ESR2: variants seen among roughly 807,000 people sequenced by gnomAD.
ESR2 encodes the protein estrogen receptor beta.
In ESR2, 36 loss-of-function variants were observed where a neutral mutation model predicts 49.6. The ratio of observed to expected loss-of-function variants is 0.73; its 90% CI spans 0.56 to 0.96. ESR2 has a LOEUF of 0.96. Among genes scored for constraint, ESR2 ranks in the 40% least tolerant of loss-of-function variants. The probability of loss-of-function intolerance (pLI) is 0.00; values close to 1 mark genes in which losing one functional copy is unlikely to be tolerated. For missense variants in ESR2, 714 were observed against 693.0 expected, an observed-to-expected ratio of 1.03 and a Z score of -0.34; for synonymous variants, 320 against 266.1, an observed-to-expected ratio of 1.20 and a Z score of -1.97.
intron 7 of ESR2, among the ~76,000 whole-genome samples, chr14:64,243,569 A>T (rs1213671910): frequency 6.6e-6 from 1 of 152,210 alleles, no homozygotes; most frequent in Non-Finnish European, 1.5e-5. Flanking sequence ...ATGCAGTTAA[A>T]TCACTTAGCA....
rs761663618 is a variant in ESR2 at position 64,280,134 on chromosome 14, C to T, written c.382G>A (p.Val128Ile). 2 of 1,614,020 alleles carry T rather than the reference C, an allele frequency of 1.2e-6. No homozygotes were observed. The highest frequency in any genetic ancestry group is 2.2e-5 in the East Asian group (1 of 44,886). ...GGGCTGGCGCAACGGTTCCCACTAACCTTCCTTTTCAGTGTCTCTCTAGGG... is the reference window on the plus strand; with the variant it reads ...GGGCTGGCGCAACGGTTCCCACTAATCTTCCTTTTCAGTGTCTCTCTAGGG... ...PVNRETLKRK[V>I]SGNRCASPVT... is the part of the protein sequence containing the mutation. Residue 128 changes from valine to isoleucine, a missense_variant, in exon 3 of 9, where the codon GTT becomes ATT. Transcript: ENST00000341099.
At chr14:64,273,375 C>T (rs1021823256) in intron 3 of ESR2, among the ~76,000 whole-genome samples, 1 of 152,162 alleles carries the variant, frequency 6.6e-6, no homozygotes, top group African/African-American at 2.4e-5. Flanking sequence ...AAGTGGGCAT[C>T]CTCGTCATGT....
At chr14:64,282,269 C>A (rs2140817723) in intron 2 of ESR2, among the ~76,000 whole-genome samples, 1 of 152,282 alleles carries the variant, frequency 6.6e-6, no homozygotes, top group East Asian at 1.9e-4. Context: ...TGCTTGAACC[C>A]AGGAGGTGAA....
At chr14:64,305,441 C>T (rs1022412342) in intron 1 of ESR2, among the ~76,000 whole-genome samples, 21 of 151,280 alleles carry the variant, frequency 1.4e-4, no homozygotes, top group Admixed American at 1.1e-3. Flanking sequence ...GAGGCCAAGG[C>T]GGGCGGATCA....
intron 7 of ESR2, among the ~76,000 whole-genome samples, chr14:64,245,971 C>T (rs1025325001): frequency 2.0e-5 from 3 of 152,170 alleles, no homozygotes; most frequent in Admixed American, 2.0e-4. Context: ...AATGGCAGCA[C>T]CTATGTGAGG....
intron 1 of ESR2, among the ~76,000 whole-genome samples, chr14:64,289,254 T>C (rs1260391934): frequency 6.6e-6 from 1 of 152,162 alleles, no homozygotes. Flanking sequence ...GGCTCACGCC[T>C]GTAACCCCAG....
At chr14:64,227,904 A>G (rs373108044), downstream of ESR2, 14 of 1,597,646 alleles carry the variant, frequency 8.8e-6, no homozygotes, top group Non-Finnish European at 1.1e-5. Flanking sequence ...GATAACTTCA[A>G]ATGAATGAAT....
chr14:64,299,734 G>A (rs901690044), intron 1 of ESR2, among the ~76,000 whole-genome samples: 9 of 152,090 alleles, frequency 5.9e-5, no homozygotes, highest in South Asian at 2.1e-4. Context: ...ATATGTCACC[G>A]TTTGATCTGA....
In ESR2 at chr14:64,284,953, G is replaced by A. The variant is rs112909780; in HGVS notation, c.-90-1878C>T. On this transcript the variant is annotated intron_variant, in intron 1 of 8. Transcript: ENST00000341099. The stretch of plus-strand genomic sequence containing the variant: ...CAACCTCCACCTTCCAGGTTCAAGC[G>A]ATTCTTCTGCCTCAGCATCCCGAGT... Among the ~76,000 whole-genome samples, 873 of 151,754 alleles carry A rather than the reference G, an allele frequency of 5.8e-3. 6 individuals carry two copies. The highest frequency in any genetic ancestry group is 0.019 in the African/African-American group (796 of 41,312).
intron 4 of ESR2, among the ~76,000 whole-genome samples, chr14:64,263,002 G>T (rs1188601141): frequency 6.6e-6 from 1 of 152,010 alleles, no homozygotes; most frequent in Non-Finnish European, 1.5e-5. Context: ...ACTCCTAAAA[G>T]GGAAGAAGTA....
At chr14:64,271,859 A>C (rs1263541491) in intron 3 of ESR2, among the ~76,000 whole-genome samples, 5 of 152,242 alleles carry the variant, frequency 3.3e-5, no homozygotes, top group Non-Finnish European at 5.9e-5. Context: ...GCGCTGCAAC[A>C]AACATGGGAC....
At chr14:64,326,519 C>T (rs576996351) in intron 1 of ESR2, among the ~76,000 whole-genome samples, 3 of 152,180 alleles carry the variant, frequency 2.0e-5, no homozygotes, top group Admixed American at 2.0e-4. Flanking sequence ...CAGATCATTC[C>T]AGCTCCCAAG....
At chr14:64,266,188 T>C (rs1054572470) in intron 4 of ESR2, among the ~76,000 whole-genome samples, 1 of 152,220 alleles carries the variant, frequency 6.6e-6, no homozygotes. Flanking sequence ...AACAGTGTTG[T>C]ATCAAAGCTC....
intron 7 of ESR2, among the ~76,000 whole-genome samples, chr14:64,236,208 C>T (rs140702692): frequency 1.3e-3 from 194 of 152,290 alleles, no homozygotes; most frequent in Non-Finnish European, 2.1e-3. Flanking sequence ...AGCACAATTA[C>T]GTAAGTGTAG....
intron 1 of ESR2, among the ~76,000 whole-genome samples, chr14:64,327,859 C>A (rs1239894510): frequency 5.5e-5 from 8 of 145,506 alleles, no homozygotes; most frequent in African/African-American, 2.0e-4. Context: ...ACAGAGCAAG[C>A]CTCCATCTCA....
chr14:64,309,249 A>C (rs1230163484), intron 1 of ESR2, among the ~76,000 whole-genome samples: 3 of 152,174 alleles, frequency 2.0e-5, no homozygotes, highest in African/African-American at 7.2e-5. Flanking sequence ...TATGTTATCT[A>C]AGCAGATGTT....
chr14:64,265,179 C>T (rs2076303501), intron 4 of ESR2, among the ~76,000 whole-genome samples: 1 of 152,172 alleles, frequency 6.6e-6, no homozygotes, highest in African/African-American at 2.4e-5. Context: ...GTAACCTAGG[C>T]AGCTGCCTCT....
At chr14:64,332,915 A>G (rs1596504019) in intron 1 of ESR2, among the ~76,000 whole-genome samples, 1 of 132,492 alleles carries the variant, frequency 7.5e-6, no homozygotes, top group South Asian at 2.6e-4. Context: ...TCTGTCGCCC[A>G]GGCTGGAGGG....
rs768631700 is a variant in ESR2, at chr14:64,280,126, C to T, written c.390G>A (p.Gly130=). 1.9e-6 allele frequency: 3 copies of T among 1,614,052 alleles called. No homozygotes were observed. The highest frequency in any genetic ancestry group is 8.5e-7 in the Non-Finnish European group (1 of 1,179,948). ...CAGTAACAGGGCTGGCGCAACGGTT[C>T]CCACTAACCTTCCTTTTCAGTGTCT... ...NRETLKRKVS[G]NRCASPVTGP... Residue 130 remains glycine (G), a synonymous_variant, in exon 3 of 9, where the codon GGG becomes GGA. Coordinates refer to ENST00000341099, the MANE Select transcript of ESR2 (RefSeq NM_001437.3).
Sources: allele counts gnomAD v4.1 joint callset (sites outside exome capture counted in the v4.1 genomes callset), GRCh38; gene constraint gnomAD v4.1.1; transcripts MANE v1.5; gene names NCBI Gene and HGNC (gene_info 2026-07-23, HGNC 2026-07-21).